The following GP5 variants were observed in gnomAD, a reference collection of about 807,000 sequenced individuals.
GP5 encodes platelet glycoprotein V.
For synonymous variants in GP5, 382 were observed against 353.9 expected, an observed-to-expected ratio of 1.08 and a Z score of -0.89; for missense variants, 755 against 737.1, an observed-to-expected ratio of 1.02 and a Z score of -0.28.
Position 194,397,924 on chromosome 3 carries a change from T to G in GP5, c.359A>C (p.Lys120Thr), listed in dbSNP as rs1418356501. The G allele has an allele frequency of 1.2e-6, 2 of 1,614,232 alleles. No homozygotes were observed. Among genetic ancestry groups the G allele is most frequent in the South Asian group, 2.2e-5 (2 of 91,076 alleles). Residue 120 changes from lysine (K) to threonine (T), a missense_variant, in exon 2 of 2, where the codon AAG becomes ACG. By Grantham distance (78) the Lys-to-Thr change is moderately conservative. Transcript: ENST00000692618. This position sits in a 1 kb window ranked among gnomAD's most constrained non-coding sequence, Gnocchi z 7.2. ...AAACAACTGCTCCAGGAGCACCATC[T>G]TATCCAGCAGCGCACCTGGAAGATG... Reference protein sequence around the residue: ...ITHLPGALLDKMVLLEQLFLD... With the variant: ...ITHLPGALLDTMVLLEQLFLD...
At position 194,396,921 on chromosome 3, in the gene GP5, A is replaced by G; in HGVS notation, c.1362T>C (p.Pro454=). Residue 454 remains proline, a synonymous_variant, in exon 2 of 2, where the codon CCT becomes CCC. Coordinates refer to ENST00000692618, the MANE Select transcript of GP5 (RefSeq NM_004488.2). ...AGAGCGGCAGGCCGGCGTGCGCCCC[A>G]GGGCCTGCGCACCGTGGGGGCTCTT... ...GGEEPPRCAG[P]GAHAGLPLWA... is the part of the protein sequence containing the mutation. 1.3e-6 allele frequency: 2 copies of G among 1,523,946 alleles called. No homozygotes were observed. 94.4% of individuals were successfully genotyped at this position (1,523,946 alleles called of 1,614,324 possible).
Position 194,397,731 on chromosome 3 carries a change from G to T in GP5, c.552C>A (p.His184Gln). The change falls in exon 2 of 2, where the codon CAC (histidine) becomes CAA (glutamine). Residue 184 changes from histidine (H) to glutamine (Q), a missense_variant. His to Gln is a conservative substitution (Grantham distance 24). Transcript: ENST00000692618. The surrounding 1 kb of genome is among the most constrained non-coding windows in gnomAD (Gnocchi z 7.2). ...LLDLSGNNLT[H>Q]LPKGLLGAQA... ...GTGCTCCAAGCAACCCCTTGGGCAGGTGGGTCAGGTTGTTTCCCGATAAAT... is the reference window on the plus strand; with the variant it reads ...GTGCTCCAAGCAACCCCTTGGGCAGTTGGGTCAGGTTGTTTCCCGATAAAT... 6.2e-7 allele frequency: 1 copy of T among 1,613,922 alleles called. No individual in the cohort carries two copies. The highest frequency in any genetic ancestry group is 1.1e-5 in the South Asian group (1 of 91,076).
In GP5 at chr3:194,396,861, G is replaced by C; in HGVS notation, c.1422C>G (p.Gly474=). ...CGGGGCGGGGAGGCGGGCCCCGGGG[G>C]CCCGGGCACTCCGCGTCACCCCCCG... ...ALPGGDAECP[G]PRGPPPRPAA... The change falls in exon 2 of 2, where the codon GGC becomes GGG. Residue 474 remains glycine (G), a synonymous_variant. Transcript: ENST00000692618. 1 of 1,548,172 alleles carries C rather than the reference G, an allele frequency of 6.5e-7. No homozygotes were observed.
At position 194,397,000 on chromosome 3, in the gene GP5, C is replaced by T. The variant is rs1377412534; in HGVS notation, c.1283G>A (p.Gly428Asp). 1 of 1,594,886 alleles carries T rather than the reference C, an allele frequency of 6.3e-7. No individual in the cohort carries two copies. The highest frequency in any genetic ancestry group is 1.1e-5 in the South Asian group (1 of 89,884). Residue 428 changes from glycine to aspartate, a missense_variant, in exon 2 of 2, where the codon GGC becomes GAC. Transcript: ENST00000692618. ...LGHNSWRCDC[G>D]LGPFLGWLRQ... ...CAGCCACCCCAGGAAGGGCCCCAGG[C>T]CACAGTCGCAGCGCCAGGAGTTGTG... is the stretch of plus-strand genomic sequence containing the variant.
rs1714466977 is a variant in GP5 at position 194,396,703 on chromosome 3, A to G, written c.1580T>C (p.Leu527Pro). Residue 527 changes from leucine (L) to proline (P), a missense_variant, in exon 2 of 2, where the codon CTG becomes CCG. Transcript: ENST00000692618. ...DHSPFWGFYF[L>P]LLAVQAMITV... ...GATCATGGCCTGAACAGCTAAAAGC[A>G]GAAAATAAAACCCCCAGAACGGACT... is the stretch of plus-strand genomic sequence containing the variant. 1 of 1,614,204 alleles carries G rather than the reference A, an allele frequency of 6.2e-7. No individual in the cohort carries two copies.
rs1275859934 is a variant in GP5 at position 194,396,633 on chromosome 3, A to G, written c.1650T>C (p.Phe550=). 3.1e-6 allele frequency: 5 copies of G among 1,611,898 alleles called. No homozygotes were observed. The African/African-American group carries it at 6.7e-5, about 22-fold the overall frequency. The change falls in exon 2 of 2, where the codon TTT becomes TTC. Residue 550 remains phenylalanine (F), a synonymous_variant. Transcript: ENST00000692618. The stretch of plus-strand genomic sequence containing the variant: ...GGGCTCTCTCTCTGATTAATTTTCG[A>G]AAGAGTTGGCCAATTTTAATCATAG... ...VFAMIKIGQL[F]RKLIRERALG
In GP5 at chr3:194,395,052, C is replaced by T. The variant is rs989310856; in HGVS notation, c.*1548G>A. On this transcript the variant is annotated 3_prime_UTR_variant, in exon 2 of 2. Coordinates refer to ENST00000692618, the MANE Select transcript of GP5 (RefSeq NM_004488.2). ...AACATTCATTAACATGTATTGCCTG[C>T]AGGCCGCTGGGCTAAGTCATTATAT... The T allele has an allele frequency of 6.6e-6, 1 of 152,234 alleles. No individual in the cohort carries two copies. The highest frequency in any genetic ancestry group is 1.5e-5 in the Non-Finnish European group (1 of 68,044). The allele number at this position is 152,234 out of a possible 1,614,324, so 9.4% of individuals were successfully genotyped here.
In GP5 at chr3:194,395,569, G is replaced by A. The variant is rs1560056422; in HGVS notation, c.*1031C>T. 2 of 152,264 alleles carry A rather than the reference G, an allele frequency of 1.3e-5. No individual in the cohort carries two copies. Among genetic ancestry groups the A allele is most frequent in the Non-Finnish European group, 2.9e-5 (2 of 68,074 alleles). The allele number at this position is 152,264 out of a possible 1,614,324, so 9.4% of individuals were successfully genotyped here. A position where few individuals can be genotyped will look rare whatever the true frequency, so the allele number is the denominator to read the frequency against. On this transcript the variant is annotated 3_prime_UTR_variant, in exon 2 of 2. Transcript: ENST00000692618. ...TGGGCACCTGGAGGGAAGGCTCCGT[G>A]TTTTCTTCCTCTCTCAGCCTCACAG...
In GP5 at chr3:194,396,636, G is replaced by A; in HGVS notation, c.1647C>T (p.Leu549=). 1.2e-6 allele frequency: 2 copies of A among 1,612,696 alleles called. No homozygotes were observed. Among genetic ancestry groups the A allele is most frequent in the Non-Finnish European group, 1.7e-6 (2 of 1,179,032 alleles). ...IVFAMIKIGQ[L]FRKLIRERAL... ...CTCTCTCTCTGATTAATTTTCGAAA[G>A]AGTTGGCCAATTTTAATCATAGCAA... The change falls in exon 2 of 2, where the codon CTC becomes CTT. Residue 549 remains leucine, a synonymous_variant. Transcript: ENST00000692618.
chr3:194,397,058 C>T lies in GP5; in HGVS notation c.1225G>A (p.Ala409Thr), dbSNP rs749862386. The change falls in exon 2 of 2, where the codon GCT (alanine) becomes ACT (threonine). Residue 409 changes from alanine to threonine, a missense_variant. Ala to Thr is a moderately conservative substitution (Grantham distance 58). Transcript: ENST00000692618. The surrounding 1 kb of genome is among the most constrained non-coding windows in gnomAD (Gnocchi z 7.2). ...AGGACCTCCGTCAGCCGGGGCAGAG[C>T]CCCAAACACGTCGCCAGGCAGGGTC... is the stretch of plus-strand genomic sequence containing the variant. ...LETLPGDVFG[A>T]LPRLTEVLLG... The T allele has an allele frequency of 1.3e-6, 2 of 1,596,748 alleles. No individual in the cohort carries two copies. Among genetic ancestry groups the T allele is most frequent in the Admixed American group, 3.3e-5 (2 of 59,730 alleles).
rs908221338 is a variant in GP5 at position 194,396,442 on chromosome 3, G to A, written c.*158C>T. Reference sequence around the variant, plus strand: ...AGAATGAAGAGCACAGAGCGGAGAGGGGGAGGAGGAGGGAAAGGAAGGCGT... The same window carrying A: ...AGAATGAAGAGCACAGAGCGGAGAGAGGGAGGAGGAGGGAAAGGAAGGCGT... On this transcript the variant is annotated 3_prime_UTR_variant, in exon 2 of 2. Transcript: ENST00000692618. 1.3e-5 allele frequency: 8 copies of A among 617,490 alleles called. No homozygotes were observed. 38.3% of individuals were successfully genotyped at this position (617,490 alleles called of 1,614,324 possible).
chr3:194,396,571 C>G lies in GP5; in HGVS notation c.*29G>C. On this transcript the variant is annotated 3_prime_UTR_variant, in exon 2 of 2. Transcript: ENST00000692618. ...CCTCCGAGCCACATCTGGTCAGGTT[C>G]TAAGTAATTAGAAGATTTTCCCATT... is the stretch of plus-strand genomic sequence containing the variant. 1.3e-6 allele frequency: 2 copies of G among 1,568,988 alleles called. No individual in the cohort carries two copies. Among genetic ancestry groups the G allele is most frequent in the Non-Finnish European group, 1.7e-6 (2 of 1,155,470 alleles).
Position 194,395,957 on chromosome 3 carries a change from A to C in GP5, c.*643T>G, listed in dbSNP as rs1270979855. On this transcript the variant is annotated 3_prime_UTR_variant, in exon 2 of 2. Coordinates refer to ENST00000692618, the MANE Select transcript of GP5 (RefSeq NM_004488.2). ...CTCAGAACGCTGAGGCATGAGAATCACTTGAACCTGGGAGGCGGAGGCTGC... is the reference window on the plus strand; with the variant it reads ...CTCAGAACGCTGAGGCATGAGAATCCCTTGAACCTGGGAGGCGGAGGCTGC... The C allele has an allele frequency of 1.3e-5, 2 of 152,492 alleles. No homozygotes were observed. Among genetic ancestry groups the C allele is most frequent in the East Asian group, 1.9e-4 (1 of 5,190 alleles). The allele number at this position is 152,492 out of a possible 1,614,324, so 9.4% of individuals were successfully genotyped here. A position where few individuals can be genotyped will look rare whatever the true frequency, so the allele number is the denominator to read the frequency against.
rs1302765903 is a variant in GP5, at chr3:194,396,604, C to T, written c.1679G>A (p.Gly560Glu). ...TTAGAAGATTTTCCCATTGGTTTAC[C>T]CAAGGGCTCTCTCTCTGATTAATTT... ...FRKLIRERAL[G>E] Residue 560 changes from glycine (G) to glutamate (E), a missense_variant, in exon 2 of 2, where the codon GGG (glycine) becomes GAG (glutamate). Coordinates refer to ENST00000692618, the MANE Select transcript of GP5 (RefSeq NM_004488.2). 1 of 1,607,070 alleles carries T rather than the reference C, an allele frequency of 6.2e-7. No individual in the cohort carries two copies. The highest frequency in any genetic ancestry group is 8.5e-7 in the Non-Finnish European group (1 of 1,176,132).
Position 194,396,918 on chromosome 3 carries a change from C to T in GP5, c.1365G>A (p.Gly455=). The T allele has an allele frequency of 6.6e-7, 1 of 1,523,990 alleles. No individual in the cohort carries two copies. The highest frequency in any genetic ancestry group is 8.8e-7 in the Non-Finnish European group (1 of 1,136,920). The allele number at this position is 1,523,990 out of a possible 1,614,324, so 94.4% of individuals were successfully genotyped here. A position where few individuals can be genotyped will look rare whatever the true frequency, so the allele number is the denominator to read the frequency against. Residue 455 remains glycine (G), a synonymous_variant, in exon 2 of 2, where the codon GGG becomes GGA. Transcript: ENST00000692618. ...GEEPPRCAGP[G]AHAGLPLWAL... ...CCCAGAGCGGCAGGCCGGCGTGCGC[C>T]CCAGGGCCTGCGCACCGTGGGGGCT...
Position 194,397,720 on chromosome 3 carries a change from C to A in GP5, c.563G>T (p.Gly188Val). The change falls in exon 2 of 2, where the codon GGG becomes GTG. Residue 188 changes from glycine (G) to valine (V), a missense_variant. Physicochemically the swap from Gly to Val is moderately radical, Grantham distance 109. Transcript: ENST00000692618. This position sits in a 1 kb window ranked among gnomAD's most constrained non-coding sequence, Gnocchi z 7.2. Reference protein sequence around the residue: ...SGNNLTHLPKGLLGAQAKLER... With the variant: ...SGNNLTHLPKVLLGAQAKLER... ...GAGCTTAGCCTGTGCTCCAAGCAAC[C>A]CCTTGGGCAGGTGGGTCAGGTTGTT... The A allele has an allele frequency of 6.2e-7, 1 of 1,613,916 alleles. No homozygotes were observed. Among genetic ancestry groups the A allele is most frequent in the Non-Finnish European group, 8.5e-7 (1 of 1,179,908 alleles).
chr3:194,397,151 G>A lies in GP5; in HGVS notation c.1132C>T (p.Leu378=), dbSNP rs1162343803. The change falls in exon 2 of 2, where the codon CTG becomes TTG. Residue 378 remains leucine (L), a synonymous_variant. Transcript: ENST00000692618. The surrounding 1 kb of genome is among the most constrained non-coding windows in gnomAD (Gnocchi z 7.2). ...AGATTGCGGAAGAGGGCACGGGGCA[G>A]GGCGCGCAGCCTGTTGCGGCGCAGG... The part of the protein sequence containing the change: ...VSLRRNRLRA[L]PRALFRNLSS... 2 of 1,584,642 alleles carry A rather than the reference G, an allele frequency of 1.3e-6. No individual in the cohort carries two copies. Among genetic ancestry groups the A allele is most frequent in the South Asian group, 2.2e-5 (2 of 89,150 alleles).
rs1714493652 is a variant in GP5, at chr3:194,397,362, G to A, written c.921C>T (p.Ala307=). Residue 307 remains alanine (A), a synonymous_variant, in exon 2 of 2, where the codon GCC becomes GCT. Transcript: ENST00000692618. The surrounding 1 kb of genome is among the most constrained non-coding windows in gnomAD (Gnocchi z 7.2). ...LNRTQLRTLP[A]AAFRNLSRLR... is the part of the protein sequence containing the mutation. ...GGCGGCTCAGGTTGCGGAAGGCGGC[G>A]GCGGGCAGGGTGCGCAGCTGGGTGC... is the stretch of plus-strand genomic sequence containing the variant. 6.2e-7 allele frequency: 1 copy of A among 1,605,542 alleles called. No individual in the cohort carries two copies. The highest frequency in any genetic ancestry group is 8.5e-7 in the Non-Finnish European group (1 of 1,178,394).
Position 194,397,309 on chromosome 3 carries a change from G to A in GP5, c.974C>T (p.Pro325Leu). ...GCCCTGCGGAAGCGCGCTCAGCCGC[G>A]GGCTCAGAGTCACCCCTAAGTACCG... ...RLRYLGVTLS[P>L]RLSALPQGAF... is the part of the protein sequence containing the mutation. Residue 325 changes from proline to leucine, a missense_variant, in exon 2 of 2, where the codon CCG becomes CTG. Pro to Leu is a moderately conservative substitution (Grantham distance 98). Coordinates refer to ENST00000692618, the MANE Select transcript of GP5 (RefSeq NM_004488.2). The surrounding 1 kb of genome is among the most constrained non-coding windows in gnomAD (Gnocchi z 7.2). 1.3e-6 allele frequency: 2 copies of A among 1,585,384 alleles called. No individual in the cohort carries two copies. Among genetic ancestry groups the A allele is most frequent in the Non-Finnish European group, 1.7e-6 (2 of 1,172,690 alleles).
Sources: allele counts gnomAD v4.1 joint callset, GRCh38; gene constraint gnomAD v4.1.1; non-coding constraint Gnocchi (gnomAD v3.1); transcripts MANE v1.5; gene names NCBI Gene and HGNC (gene_info 2026-07-23, HGNC 2026-07-21).